BMPER: variants seen among roughly 807,000 people sequenced by gnomAD.
BMPER encodes the protein BMP binding endothelial regulator.
Under a neutral mutation model 87.3 loss-of-function variants are expected in BMPER, and 45 were observed. That is an observed-to-expected ratio of 0.52 (90% confidence interval 0.41 to 0.66). The LOEUF (loss-of-function observed/expected upper bound fraction) is 0.66, where lower values mean the gene tolerates loss of function less well. Ranked by LOEUF, BMPER falls within the 30% of genes least tolerant of loss-of-function variation. BMPER has a pLI of 0.00. For missense variants in BMPER, 784 were observed against 867.5 expected, an observed-to-expected ratio of 0.90 and a Z score of 1.21; for synonymous variants, 326 against 316.2, an observed-to-expected ratio of 1.03 and a Z score of -0.33.
At chr7:34,030,613 T>C (rs1305056959) in intron 6 of BMPER, among the ~76,000 whole-genome samples, 1 of 151,614 alleles carries the variant, frequency 6.6e-6, no homozygotes, top group African/African-American at 2.4e-5. Flanking sequence ...AGATTATTGA[T>C]AGAAATTACA....
At chr7:34,050,548 G>A (rs1011879375) in intron 7 of BMPER, among the ~76,000 whole-genome samples, 1 of 152,258 alleles carries the variant, frequency 6.6e-6, no homozygotes, top group Non-Finnish European at 1.5e-5. Flanking sequence ...CTAATTCTGA[G>A]AACAGTGTTT....
chr7:34,054,877 A>ACATG (rs1438804846), intron 8 of BMPER, among the ~76,000 whole-genome samples: 1 of 152,192 alleles, frequency 6.6e-6, no homozygotes, highest in African/African-American at 2.4e-5. Flanking sequence ...CGGTCTTGCC[A>ACATG]CATGCTGGTG....
At chr7:33,956,606 C>T (rs1384954970) in intron 3 of BMPER, among the ~76,000 whole-genome samples, 2 of 152,116 alleles carry the variant, frequency 1.3e-5, no homozygotes, top group Admixed American at 6.6e-5. Context: ...CTCTTCCACC[C>T]CTGAGACAGC....
chr7:33,962,322 TA>T (rs1232870971), intron 3 of BMPER, among the ~76,000 whole-genome samples: 7 of 152,228 alleles, frequency 4.6e-5, no homozygotes, highest in South Asian at 2.1e-4. Context: ...ATAATTAACA[TA>T]AAAAAAGCCA....
At chr7:34,129,611 AG>A (rs1790509047) in intron 13 of BMPER, among the ~76,000 whole-genome samples, 2 of 63,562 alleles carry the variant, frequency 3.1e-5, no homozygotes, top group African/African-American at 1.5e-4. Context: ...AGAGAGAGAA[AG>A]AGAGAGAGAG....
chr7:33,970,297 G>T, intron 4 of BMPER, 32 bp from the exon 5 acceptor site: 1 of 1,601,086 alleles, frequency 6.2e-7, no homozygotes, highest in Non-Finnish European at 8.6e-7. Flanking sequence ...GGAATTCTGG[G>T]CTGACTTTGC....
At chr7:34,050,886 C>T (rs370448513) in intron 7 of BMPER, among the ~76,000 whole-genome samples, 6 of 152,186 alleles carry the variant, frequency 3.9e-5, no homozygotes, top group East Asian at 3.9e-4. Flanking sequence ...GCTGGACACT[C>T]GACATGTACC....
Position 34,078,983 on chromosome 7 carries a change from A to C in BMPER, c.1205A>C (p.Gln402Pro). 1.9e-6 allele frequency: 3 copies of C among 1,614,126 alleles called. No individual in the cohort carries two copies. Among genetic ancestry groups the C allele is most frequent in the Non-Finnish European group, 2.5e-6 (3 of 1,180,020 alleles). Residue 402 changes from glutamine (Q) to proline (P), a missense_variant, in exon 12 of 15, where the codon CAG becomes CCG. Coordinates refer to ENST00000649409, the MANE Select transcript of BMPER (RefSeq NM_001365308.1). Reference sequence around the variant, plus strand: ...TGCTCCTCCCCTGCCTCGCCCTTCCAGGTGCTGGTGAAGAACGACGCCCGC... The same window carrying C: ...TGCTCCTCCCCTGCCTCGCCCTTCCCGGTGCTGGTGAAGAACGACGCCCGC... Reference protein sequence around the residue: ...KDCSSPASPFQVLVKNDARRT... With the variant: ...KDCSSPASPFPVLVKNDARRT...
At chr7:34,128,513 G>T (rs914458637) in intron 13 of BMPER, among the ~76,000 whole-genome samples, 4 of 152,108 alleles carry the variant, frequency 2.6e-5, no homozygotes, top group African/African-American at 9.7e-5. Flanking sequence ...TAATGTTTGC[G>T]CTTAGGTGGA....
chr7:34,044,742 C>A (rs1195038761), intron 6 of BMPER, among the ~76,000 whole-genome samples: 1 of 151,986 alleles, frequency 6.6e-6, no homozygotes, highest in African/African-American at 2.4e-5. Context: ...CGCATGTTCT[C>A]TATTGGTTTG....
intron 6 of BMPER, among the ~76,000 whole-genome samples, chr7:34,001,442 T>C (rs1786577288): frequency 6.6e-6 from 1 of 151,896 alleles, no homozygotes; most frequent in Non-Finnish European, 1.5e-5. Context: ...CCATTTCATG[T>C]AGGTTTTCTA....
At chr7:34,142,833 C>G (rs1790908478) in intron 13 of BMPER, among the ~76,000 whole-genome samples, 1 of 152,152 alleles carries the variant, frequency 6.6e-6, no homozygotes, top group Non-Finnish European at 1.5e-5. Context: ...AGTAGGGTAG[C>G]CATTAGGCGC....
chr7:33,940,785 T>C (rs1380805771), intron 3 of BMPER, among the ~76,000 whole-genome samples: 1 of 149,626 alleles, frequency 6.7e-6, no homozygotes, highest in Non-Finnish European at 1.5e-5. Context: ...TGGAACTAAA[T>C]AATGTCTAGG....
At chr7:34,093,218 G>C (rs62449754) in intron 13 of BMPER, among the ~76,000 whole-genome samples, 1 of 152,140 alleles carries the variant, frequency 6.6e-6, no homozygotes, top group Non-Finnish European at 1.5e-5. Flanking sequence ...TCCTCACCTC[G>C]TGGCATCATG....
chr7:34,078,082 G>A (rs114323487), intron 11 of BMPER, among the ~76,000 whole-genome samples: 1 of 151,872 alleles, frequency 6.6e-6, no homozygotes, highest in Non-Finnish European at 1.5e-5. Context: ...GAAATCTTAG[G>A]GCTGCCCTAA....
intron 13 of BMPER, among the ~76,000 whole-genome samples, chr7:34,096,545 TTGTACTC>T (rs1789536949): frequency 6.6e-6 from 1 of 152,194 alleles, no homozygotes; most frequent in South Asian, 2.1e-4. Flanking sequence ...CTCCAACACA[TTGTACTC>T]TGTTTATTCG....
At position 34,134,142 on chromosome 7, in the gene BMPER, G is replaced by A. The variant is rs1395401914; in HGVS notation, c.1746-9088G>A. 3.3e-5 allele frequency among the ~76,000 whole-genome samples: 5 copies of A among 152,076 alleles called. No individual in the cohort carries two copies. In the South Asian group the frequency reaches 1.0e-3, roughly 32 times the overall value. ...CTCACCCTTCTTGGCAGGCATCAGGGGTAGGTGTTTAGGATTACACAGGGG... is the reference window on the plus strand; with the variant it reads ...CTCACCCTTCTTGGCAGGCATCAGGAGTAGGTGTTTAGGATTACACAGGGG... On this transcript the variant is annotated intron_variant, in intron 13 of 14. Coordinates refer to ENST00000649409, the MANE Select transcript of BMPER (RefSeq NM_001365308.1).
intron 13 of BMPER, among the ~76,000 whole-genome samples, chr7:34,123,280 C>T (rs1029168849): frequency 3.3e-5 from 5 of 152,070 alleles, no homozygotes; most frequent in Non-Finnish European, 7.4e-5. Context: ...ATATGCTTCC[C>T]GAAGAGAATC....
intron 3 of BMPER, among the ~76,000 whole-genome samples, chr7:33,951,207 C>T (rs1785012478): frequency 6.6e-6 from 1 of 152,074 alleles, no homozygotes; most frequent in South Asian, 2.1e-4. Flanking sequence ...ACCACCACGC[C>T]AAGCTAATTT....
Sources: gnomAD v4.1 joint callset for allele counts (sites outside exome capture counted in the v4.1 genomes callset) on GRCh38, gnomAD v4.1.1 for gene constraint, MANE v1.5 for transcripts, NCBI Gene and HGNC (gene_info 2026-07-23, HGNC 2026-07-21) for gene names.